The following FHIT variants were observed in gnomAD, a reference collection of about 807,000 sequenced individuals.
The protein encoded by FHIT is fragile histidine triad diadenosine triphosphatase.
FHIT carries 19 observed loss-of-function variants against 17.9 expected under a neutral mutation model. That is an observed-to-expected ratio of 1.06 (90% CI 0.74 to 1.56). The LOEUF is 1.56. FHIT is among the 40% of genes most tolerant of loss of function. The pLI is 0.00. For synonymous variants in FHIT, 81 were observed against 69.7 expected, an observed-to-expected ratio of 1.16 and a Z score of -0.81; for missense variants, 248 against 189.2, an observed-to-expected ratio of 1.31 and a Z score of -1.82.
chr3:60,528,951 C>T (rs2035672058), intron 5 of FHIT, among the ~76,000 whole-genome samples: 2 of 152,154 alleles, frequency 1.3e-5, no homozygotes, highest in South Asian at 4.1e-4. Flanking sequence ...AACATAACTC[C>T]ACTGCCTAAG....
chr3:59,904,447 T>C (rs1199647359), intron 8 of FHIT, among the ~76,000 whole-genome samples: 4 of 152,068 alleles, frequency 2.6e-5, no homozygotes, highest in African/African-American at 9.7e-5. Context: ...GAGAAAGTAT[T>C]TGAGTTGACA....
At chr3:60,532,085 T>A (rs910444139) in intron 5 of FHIT, among the ~76,000 whole-genome samples, 1 of 152,190 alleles carries the variant, frequency 6.6e-6, no homozygotes, top group South Asian at 2.1e-4. Flanking sequence ...ATGGTCTTGA[T>A]TGGAAAAATC....
At chr3:61,182,065 G>T (rs551025602) in intron 2 of FHIT, among the ~76,000 whole-genome samples, 42 of 152,254 alleles carry the variant, frequency 2.8e-4, no homozygotes, top group Non-Finnish European at 5.7e-4. Flanking sequence ...CTCTGAAGGG[G>T]AAATAACTTT....
chr3:59,974,875 A>C (rs1449261164), intron 7 of FHIT, among the ~76,000 whole-genome samples: 1 of 152,132 alleles, frequency 6.6e-6, no homozygotes, highest in Admixed American at 6.5e-5. Context: ...ATCAGTGGTC[A>C]ATATACCAAC....
At chr3:60,893,335 T>G (rs1559806716) in intron 3 of FHIT, among the ~76,000 whole-genome samples, 1 of 152,224 alleles carries the variant, frequency 6.6e-6, no homozygotes, top group Non-Finnish European at 1.5e-5. Flanking sequence ...TCCTTCCTTA[T>G]GAATGCTCTA....
chr3:60,536,828 T>C (rs760641947), intron 5 of FHIT, 32 bp downstream of exon 5: 15 of 1,572,988 alleles, frequency 9.5e-6, no homozygotes, highest in Non-Finnish European at 1.3e-5. Flanking sequence ...AGACTTTTAT[T>C]TTCCCTCTCC....
At chr3:59,756,123 C>A (rs11920301) in intron 8 of FHIT, among the ~76,000 whole-genome samples, 1 of 152,074 alleles carries the variant, frequency 6.6e-6, no homozygotes, top group Non-Finnish European at 1.5e-5. Context: ...CTAATGACAG[C>A]GAGCACTAAA....
chr3:60,162,993 C>T (rs1031782015), intron 5 of FHIT, among the ~76,000 whole-genome samples: 2 of 152,190 alleles, frequency 1.3e-5, no homozygotes, highest in Non-Finnish European at 2.9e-5. Flanking sequence ...AGACCCAGAA[C>T]TTTAAAAAAT....
intron 5 of FHIT, among the ~76,000 whole-genome samples, chr3:60,405,027 T>G (rs920271807): frequency 6.6e-6 from 1 of 152,178 alleles, no homozygotes; most frequent in Non-Finnish European, 1.5e-5. Context: ...ACTGGTGATT[T>G]TGTCCTCCAC....
chr3:59,765,420 C>T (rs570685588), intron 8 of FHIT, among the ~76,000 whole-genome samples: 2 of 152,160 alleles, frequency 1.3e-5, no homozygotes, highest in South Asian at 4.2e-4. Flanking sequence ...GCTTTCAAGG[C>T]TTCAATGCTC....
chr3:60,421,774 C>T (rs545265813), intron 5 of FHIT, among the ~76,000 whole-genome samples: 1 of 152,046 alleles, frequency 6.6e-6, no homozygotes, highest in South Asian at 2.1e-4. Context: ...AAACTTGAAA[C>T]AGGACATTCT....
chr3:60,277,931 T>C (rs1002520678), intron 5 of FHIT, among the ~76,000 whole-genome samples: 1 of 152,138 alleles, frequency 6.6e-6, no homozygotes, highest in African/African-American at 2.4e-5. Flanking sequence ...GGAAAAAAGA[T>C]GAACCAACTG....
chr3:60,131,921 T>C (rs1468661988), intron 5 of FHIT, among the ~76,000 whole-genome samples: 4 of 152,132 alleles, frequency 2.6e-5, no homozygotes, highest in South Asian at 2.1e-4. Flanking sequence ...TCCCTTCCAC[T>C]GTTTCAGAGG....
At chr3:60,088,618 A>T (rs190573188) in intron 5 of FHIT, among the ~76,000 whole-genome samples, 1 of 152,132 alleles carries the variant, frequency 6.6e-6, no homozygotes, top group Non-Finnish European at 1.5e-5. Flanking sequence ...TTTTGCATAA[A>T]TAAACACTGT....
At position 60,955,616 on chromosome 3, in the gene FHIT, A is replaced by ATACATATATATATATACATG. The variant is rs1559862356; in HGVS notation, c.-111+86430_-111+86431insCATGTATATATATATATGTA. On this transcript the variant is annotated intron_variant, in intron 3 of 9. Coordinates refer to ENST00000492590, the MANE Select transcript of FHIT (RefSeq NM_002012.4). Reference sequence around the variant, plus strand: ...TATATACATATATATATATATATATATATATATATATATATATACACACAC... The same window carrying ATACATATATATATATACATG: ...TATATACATATATATATATATATATATACATATATATATATACATGTATATATATATATATATACACACAC... 3.2e-4 allele frequency among the ~76,000 whole-genome samples: 4 copies of ATACATATATATATATACATG among 12,378 alleles called. 1 individual carries two copies. The highest frequency in any genetic ancestry group is 2.1e-3 in the Admixed American group (1 of 482). 8.1% of individuals were successfully genotyped at this position (12,378 alleles called of 152,430 possible). A position where few individuals can be genotyped will look rare whatever the true frequency, so the allele number is the denominator to read the frequency against.
chr3:60,792,977 T>G (rs1553729019), intron 4 of FHIT, among the ~76,000 whole-genome samples: 1 of 152,098 alleles, frequency 6.6e-6, no homozygotes, highest in African/African-American at 2.4e-5. Flanking sequence ...ATGGCTGTGA[T>G]GAAGATGGTG....
chr3:60,049,597 T>C (rs923566405), intron 5 of FHIT, among the ~76,000 whole-genome samples: 2 of 152,144 alleles, frequency 1.3e-5, no homozygotes, highest in Non-Finnish European at 2.9e-5. Context: ...GTAAAACATA[T>C]CAGTAAGTTT....
At chr3:60,926,171 T>C (rs1323833954) in intron 3 of FHIT, among the ~76,000 whole-genome samples, 2 of 151,994 alleles carry the variant, frequency 1.3e-5, no homozygotes, top group South Asian at 2.1e-4. Flanking sequence ...AACAAGGATA[T>C]CCAGGAATTG....
At chr3:60,220,021 C>A (rs543025402) in intron 5 of FHIT, among the ~76,000 whole-genome samples, 60 of 152,100 alleles carry the variant, frequency 3.9e-4, no homozygotes, top group African/African-American at 1.4e-3. Context: ...CCCCCTGATA[C>A]AAAAGCTTAT....
Sources: allele counts gnomAD v4.1 joint callset (sites outside exome capture counted in the v4.1 genomes callset), GRCh38; gene constraint gnomAD v4.1.1; transcripts MANE v1.5; gene names NCBI Gene and HGNC (gene_info 2026-07-23, HGNC 2026-07-21).